The following IPO8 variants were observed in gnomAD, a reference collection of about 807,000 sequenced individuals.
The protein encoded by IPO8 is importin 8.
IPO8 carries 65 observed loss-of-function variants against 141.2 expected under a neutral mutation model. That is an observed-to-expected ratio of 0.46 (90% confidence interval 0.38 to 0.57). The LOEUF (loss-of-function observed/expected upper bound fraction) is 0.57, where lower values mean the gene tolerates loss of function less well. Ranked by LOEUF, IPO8 falls within the 20% of genes least tolerant of loss-of-function variation. The pLI, the probability that IPO8 is intolerant of heterozygous loss-of-function variation, is 0.00. For synonymous variants in IPO8, 411 were observed against 420.3 expected, an observed-to-expected ratio of 0.98 and a Z score of 0.27; for missense variants, 980 against 1,246.8, an observed-to-expected ratio of 0.79 and a Z score of 3.22.
intron 17 of IPO8, among the ~76,000 whole-genome samples, chr12:30,653,427 T>C (rs1405683478): frequency 1.3e-5 from 2 of 152,102 alleles, no homozygotes; most frequent in Non-Finnish European, 2.9e-5. Flanking sequence ...TAGATTATCA[T>C]TCCTCATTTA....
chr12:30,678,248 A>T (rs937199345), intron 5 of IPO8, among the ~76,000 whole-genome samples: 6 of 152,210 alleles, frequency 3.9e-5, no homozygotes, highest in African/African-American at 7.2e-5. Flanking sequence ...TTCAACATTT[A>T]TAAGCATAGA....
intron 20 of IPO8, among the ~76,000 whole-genome samples, chr12:30,644,894 C>A (rs2052622856): frequency 6.6e-6 from 1 of 151,158 alleles, no homozygotes; most frequent in Non-Finnish European, 1.5e-5. Flanking sequence ...CTCAGGTGAT[C>A]CACCCGCCTC....
chr12:30,657,969 A>G (rs2052825034), intron 16 of IPO8, among the ~76,000 whole-genome samples: 1 of 152,182 alleles, frequency 6.6e-6, no homozygotes, highest in Non-Finnish European at 1.5e-5. Context: ...GTTGAGTGAG[A>G]AGGTAAAATT....
At chr12:30,693,981 T>C (rs565795422) in intron 1 of IPO8, among the ~76,000 whole-genome samples, 1 of 152,326 alleles carries the variant, frequency 6.6e-6, no homozygotes, top group African/African-American at 2.4e-5. Context: ...GGCTTTCTCA[T>C]ATACTTTTTC....
chr12:30,632,128 C>G, intron 23 of IPO8, 117 bp from the exon 24 acceptor site: 1 of 663,544 alleles, frequency 1.5e-6, no homozygotes, highest in East Asian at 2.8e-5. Flanking sequence ...ACAAAGAGTA[C>G]AGTACTACAA....
intron 9 of IPO8, among the ~76,000 whole-genome samples, chr12:30,670,628 T>C (rs929118604): frequency 6.6e-6 from 1 of 152,214 alleles, no homozygotes; most frequent in Non-Finnish European, 1.5e-5. Context: ...CAAAATACTT[T>C]CTCACAAAAT....
chr12:30,694,900 G>A (rs1388595671), intron 1 of IPO8: 1 of 438,594 alleles, frequency 2.3e-6, no homozygotes, highest in African/African-American at 2.0e-5. Flanking sequence ...AGGCTAATTA[G>A]GAAGAACAGG....
Position 30,652,030 on chromosome 12 carries a change from T to C in IPO8, c.2172+162A>G, listed in dbSNP as rs1428619667. 4.6e-5 allele frequency among the ~76,000 whole-genome samples: 7 copies of C among 152,150 alleles called. No homozygotes were observed. The East Asian group carries it at 1.2e-3, about 25-fold the overall frequency. ...AAGCACGACACACAATATGAAACTT[T>C]CAAATCCCAAAGATCCTTTTGAAAA... On this transcript the variant is annotated intron_variant, in intron 19 of 24. Transcript: ENST00000256079.
At chr12:30,665,697 T>A in intron 12 of IPO8, 32 bp downstream of exon 12, 1 of 1,344,108 alleles carries the variant, frequency 7.4e-7, no homozygotes, top group Non-Finnish European at 1.1e-6. Flanking sequence ...TTTACAATGT[T>A]ATTAAGTAAA....
intron 7 of IPO8, 24 bp downstream of exon 7, chr12:30,674,635 T>G: frequency 6.7e-7 from 1 of 1,494,934 alleles, no homozygotes; most frequent in Non-Finnish European, 9.3e-7. Context: ...TGTATGATCA[T>G]CAATGTAATA....
chr12:30,676,987 C>G, intron 5 of IPO8: 1 of 1,528,648 alleles, frequency 6.5e-7, no homozygotes, highest in Non-Finnish European at 8.8e-7. Context: ...AATTACTTTC[C>G]TCTACACTGT....
chr12:30,675,226 C>T (rs2053104075), intron 6 of IPO8, among the ~76,000 whole-genome samples: 1 of 152,106 alleles, frequency 6.6e-6, no homozygotes, highest in Non-Finnish European at 1.5e-5. Flanking sequence ...GATACAAGAA[C>T]TAATGTGATA....
rs775966634 is a variant in IPO8 at position 30,666,197 on chromosome 12, G to A, written c.1199C>T (p.Thr400Ile). ...TACCTCTTTTCTTTTCTTTGCAGCA[G>A]TATATAAGAGAGTCTGGGCTGCTGT... is the stretch of plus-strand genomic sequence containing the variant. ...PTTAAQTLLY[T>I]AAKKRKEVLP... is the part of the protein sequence containing the mutation. The change falls in exon 11 of 25, where the codon ACT becomes ATT. Residue 400 changes from threonine to isoleucine, a missense_variant. Transcript: ENST00000256079. 1 of 1,583,914 alleles carries A rather than the reference G, an allele frequency of 6.3e-7. No individual in the cohort carries two copies. The highest frequency in any genetic ancestry group is 8.6e-7 in the Non-Finnish European group (1 of 1,167,454).
intron 16 of IPO8, among the ~76,000 whole-genome samples, chr12:30,657,914 G>GA (rs1271166589): frequency 3.3e-5 from 5 of 151,948 alleles, no homozygotes; most frequent in African/African-American, 9.7e-5. Flanking sequence ...TAAAAAAAAG[G>GA]AAAAAAATAG....
rs774062990 is a variant in IPO8, at chr12:30,684,304, A to G, written c.320T>C (p.Val107Ala). 1 of 1,613,832 alleles carries G rather than the reference A, an allele frequency of 6.2e-7. No homozygotes were observed. The highest frequency in any genetic ancestry group is 8.5e-7 in the Non-Finnish European group (1 of 1,179,814). Residue 107 changes from valine (V) to alanine (A), a missense_variant, in exon 3 of 25, where the codon GTG becomes GCG. This residue lies in a region of IPO8 where 924 missense variants were observed against 1,153.9 expected (regional missense o/e 0.80). Transcript: ENST00000256079. ...ACAAATATATAGCACCACATACCTC[A>G]CTAAATCTGGAGACCGAATTATTCC... ...VEGIIRSPDL[V>A]RVQLTMCLRA...
chr12:30,631,157 G>GA (rs2052426709), intron 24 of IPO8, among the ~76,000 whole-genome samples, 200 bp from the exon 25 acceptor site: 1 of 152,136 alleles, frequency 6.6e-6, no homozygotes, highest in Non-Finnish European at 1.5e-5. Context: ...ACTACCATCG[G>GA]AAAATCTGCA....
intron 16 of IPO8, among the ~76,000 whole-genome samples, chr12:30,660,075 T>C (rs533091095): frequency 6.6e-6 from 1 of 151,598 alleles, no homozygotes; most frequent in African/African-American, 2.4e-5. Flanking sequence ...ATATAAAAAT[T>C]AGCTGGGTGT....
Position 30,637,023 on chromosome 12 carries a change from T to G in IPO8, c.2654A>C (p.Glu885Ala), listed in dbSNP as rs1345827454. The change falls in exon 22 of 25, where the codon GAA (glutamate) becomes GCA (alanine). Residue 885 changes from glutamate to alanine, a missense_variant. Glu to Ala is a moderately radical substitution (Grantham distance 107, BLOSUM62 -1). Coordinates refer to ENST00000256079, the MANE Select transcript of IPO8 (RefSeq NM_006390.4). ...AGCTTTCTCTGCTTTTGAACGATCTTCCCGGTTTACCAGTTGTCTAGTAGC... is the reference window on the plus strand; with the variant it reads ...AGCTTTCTCTGCTTTTGAACGATCTGCCCGGTTTACCAGTTGTCTAGTAGC... ...VCATRQLVNR[E>A]DRSKAEKADM... The G allele has an allele frequency of 6.2e-7, 1 of 1,613,970 alleles. No homozygotes were observed. The highest frequency in any genetic ancestry group is 1.3e-5 in the African/African-American group (1 of 74,922).
chr12:30,658,302 T>C (rs1295812833), intron 16 of IPO8, among the ~76,000 whole-genome samples: 1 of 152,244 alleles, frequency 6.6e-6, no homozygotes, highest in East Asian at 1.9e-4. Flanking sequence ...TTTAAGGAAA[T>C]ATTGTTTTCA....
Sources: allele counts gnomAD v4.1 joint callset (sites outside exome capture counted in the v4.1 genomes callset), GRCh38; gene constraint gnomAD v4.1.1; regional missense constraint gnomAD v4.1.1; transcripts MANE v1.5; gene names NCBI Gene and HGNC (gene_info 2026-07-23, HGNC 2026-07-21).